The following HAAO variants were observed in gnomAD, a reference collection of about 807,000 sequenced individuals.
HAAO encodes the protein 3-hydroxyanthranilate oxygenase.
Under a neutral mutation model 46.2 loss-of-function variants are expected in HAAO, and 49 were observed. The ratio of observed to expected loss-of-function variants is 1.06; its 90% confidence interval spans 0.84 to 1.34. The LOEUF is 1.34. Ranked by LOEUF, HAAO falls within the 40% of genes most tolerant of loss-of-function variation. The pLI is 0.00. For missense variants in HAAO, 408 were observed against 364.5 expected, an observed-to-expected ratio of 1.12 and a Z score of -0.97; for synonymous variants, 157 against 145.2, an observed-to-expected ratio of 1.08 and a Z score of -0.58.
Position 42,788,568 on chromosome 2 carries a change from G to C in HAAO, c.120C>G (p.Pro40=), listed in dbSNP as rs1401247708. 6.2e-7 allele frequency: 1 copy of C among 1,606,662 alleles called. No individual in the cohort carries two copies. The highest frequency in any genetic ancestry group is 8.5e-7 in the Non-Finnish European group (1 of 1,173,450). The change falls in exon 2 of 10, where the codon CCC becomes CCG. Residue 40 remains proline, a synonymous_variant. Transcript: ENST00000294973. ...CGATGTGATAGTCCTTCCTGGTGTTGGGGCCTCCGATGAACATGACTTTGA... is the reference window on the plus strand; with the variant it reads ...CGATGTGATAGTCCTTCCTGGTGTTCGGGCCTCCGATGAACATGACTTTGA... The part of the protein sequence containing the change: ...EQLKVMFIGG[P]NTRKDYHIEE...
chr2:42,780,989 A>T (rs1671952235), intron 4 of HAAO, among the ~76,000 whole-genome samples: 1 of 151,914 alleles, frequency 6.6e-6, no homozygotes, highest in East Asian at 1.9e-4. Context: ...AGGCAGGAGA[A>T]TGGTGTGAAC....
chr2:42,778,623 T>C (rs1041812990), intron 4 of HAAO, among the ~76,000 whole-genome samples: 2 of 152,002 alleles, frequency 1.3e-5, no homozygotes, highest in Admixed American at 6.6e-5. Flanking sequence ...TCACTGTGCC[T>C]GACCAAGTCC....
chr2:42,767,879 T>C lies in HAAO; in HGVS notation c.680A>G (p.Asp227Gly). ...ACTTGCCAGCTGCCACAGCCACACG[T>C]CCACATTCTGTCTCAGGCCTTCGCT... ...GSSEGLRQNV[D>G]VWLWQLEGSS... is the part of the protein sequence containing the mutation. Residue 227 changes from aspartate (D) to glycine (G), a missense_variant, in exon 8 of 10, where the codon GAC (aspartate) becomes GGC (glycine). Coordinates refer to ENST00000294973, the MANE Select transcript of HAAO (RefSeq NM_012205.3). The C allele has an allele frequency of 6.2e-7, 1 of 1,614,050 alleles. No individual in the cohort carries two copies. Among genetic ancestry groups the C allele is most frequent in the Non-Finnish European group, 8.5e-7 (1 of 1,179,896 alleles).
chr2:42,769,046 T>C (rs985173636), intron 7 of HAAO, among the ~76,000 whole-genome samples: 8 of 152,202 alleles, frequency 5.3e-5, no homozygotes, highest in Non-Finnish European at 7.3e-5. Context: ...TGTCACCTCC[T>C]CCAGGAAGCC....
At chr2:42,770,671 T>G in intron 4 of HAAO, 89 bp from the exon 5 acceptor site, 3 of 756,036 alleles carry the variant, frequency 4.0e-6, no homozygotes. Context: ...CTTGTAGAAG[T>G]CCCTGCAGAG....
intron 2 of HAAO, among the ~76,000 whole-genome samples, chr2:42,786,187 A>G (rs1301043285): frequency 1.3e-5 from 2 of 152,096 alleles, no homozygotes; most frequent in Non-Finnish European, 2.9e-5. Flanking sequence ...TGGGCAGGCT[A>G]TACGATATTG....
chr2:42,788,544 G>C lies in HAAO; in HGVS notation c.144C>G (p.Ile48Met), dbSNP rs140941826. Residue 48 changes from isoleucine to methionine, a missense_variant, in exon 2 of 10, where the codon ATC becomes ATG. Coordinates refer to ENST00000294973, the MANE Select transcript of HAAO (RefSeq NM_012205.3). ...TCAAACCTACCTCTTCACCCTCTTC[G>C]ATGTGATAGTCCTTCCTGGTGTTGG... ...GGPNTRKDYH[I>M]EEGEEVFYQL... The C allele has an allele frequency of 1.9e-6, 3 of 1,604,624 alleles. No individual in the cohort carries two copies. The highest frequency in any genetic ancestry group is 2.6e-6 in the Non-Finnish European group (3 of 1,171,462).
chr2:42,782,535 C>T (rs924655685), intron 4 of HAAO, among the ~76,000 whole-genome samples: 1 of 152,162 alleles, frequency 6.6e-6, no homozygotes. Flanking sequence ...AATGCTTTCT[C>T]CAAAAGATTT....
intron 4 of HAAO, among the ~76,000 whole-genome samples, chr2:42,777,679 G>A (rs1026320297): frequency 5.9e-5 from 9 of 152,118 alleles, no homozygotes; most frequent in African/African-American, 1.9e-4. Context: ...AAATAATTAT[G>A]TAAATGCAAT....
At chr2:42,791,615 C>T (rs1672807231) in intron 1 of HAAO, among the ~76,000 whole-genome samples, 1 of 152,172 alleles carries the variant, frequency 6.6e-6, no homozygotes, top group Non-Finnish European at 1.5e-5. Context: ...AATCCCCCCT[C>T]ACGGTGCTAC....
rs1388318199 is a variant in HAAO at position 42,769,739 on chromosome 2, G to T, written c.604C>A (p.Leu202Met). The T allele has an allele frequency of 1.9e-6, 3 of 1,613,372 alleles. No homozygotes were observed. ...RELQAGTPLS[L>M]FGDTYETQVI... ...TGGGTCTCATAGGTGTCCCCAAACA[G>T]GCTGAGTGGTGTGCCTGCCTGCAGC... Residue 202 changes from leucine to methionine, a missense_variant, in exon 7 of 10, where the codon CTG becomes ATG. Physicochemically the swap from Leu to Met is conservative, Grantham distance 15 (BLOSUM62 2). Transcript: ENST00000294973.
At chr2:42,789,807 T>C (rs1672654822) in intron 1 of HAAO, among the ~76,000 whole-genome samples, 1 of 152,122 alleles carries the variant, frequency 6.6e-6, no homozygotes, top group African/African-American at 2.4e-5. Context: ...ATGCAAAAAA[T>C]ACCTCAGCAC....
chr2:42,780,213 T>TTTAA (rs1294019503), intron 4 of HAAO, among the ~76,000 whole-genome samples: 1 of 147,038 alleles, frequency 6.8e-6, no homozygotes. Context: ...TTTTTTTAAT[T>TTTAA]TTTTTTTTTT....
intron 1 of HAAO, among the ~76,000 whole-genome samples, chr2:42,790,998 G>A (rs1346704656): frequency 6.6e-6 from 1 of 152,130 alleles, no homozygotes; most frequent in Admixed American, 6.5e-5. Context: ...CACCTTGCTT[G>A]CTTCAGCAGC....
intron 4 of HAAO, among the ~76,000 whole-genome samples, chr2:42,778,109 C>T (rs1671726413): frequency 6.9e-6 from 1 of 145,410 alleles, no homozygotes; most frequent in Non-Finnish European, 1.5e-5. Flanking sequence ...GTGTAAGTCA[C>T]AATAAGAGGA....
Position 42,767,868 on chromosome 2 carries a change from A to G in HAAO, c.691T>C (p.Trp231Arg). 5 of 1,613,964 alleles carry G rather than the reference A, an allele frequency of 3.1e-6. No individual in the cohort carries two copies. Among genetic ancestry groups the G allele is most frequent in the Non-Finnish European group, 4.2e-6 (5 of 1,179,826 alleles). Reference sequence around the variant, plus strand: ...CCCTGGGCCCCACTTGCCAGCTGCCACAGCCACACGTCCACATTCTGTCTC... The same window carrying G: ...CCCTGGGCCCCACTTGCCAGCTGCCGCAGCCACACGTCCACATTCTGTCTC... ...GLRQNVDVWL[W>R]QLEGSSVVTM... The change falls in exon 8 of 10, where the codon TGG (tryptophan) becomes CGG (arginine). Residue 231 changes from tryptophan (W) to arginine (R), a missense_variant. Transcript: ENST00000294973.
At chr2:42,781,909 C>A (rs1335597384) in intron 4 of HAAO, among the ~76,000 whole-genome samples, 1 of 151,896 alleles carries the variant, frequency 6.6e-6, no homozygotes, top group Admixed American at 6.6e-5. Flanking sequence ...GCACTGTATA[C>A]AAATAATTAG....
At chr2:42,774,069 C>T (rs952935233) in intron 4 of HAAO, among the ~76,000 whole-genome samples, 2 of 152,178 alleles carry the variant, frequency 1.3e-5, no homozygotes, top group African/African-American at 4.8e-5. Context: ...TTTGAGTTGT[C>T]CTGCCTTTCC....
At chr2:42,777,245 G>A (rs907325290) in intron 4 of HAAO, among the ~76,000 whole-genome samples, 6 of 140,558 alleles carry the variant, frequency 4.3e-5, no homozygotes, top group Non-Finnish European at 7.6e-5. Context: ...AGAAGTCGCA[G>A]TGAGCCAAGA....
Sources: gnomAD v4.1 joint callset for allele counts (sites outside exome capture counted in the v4.1 genomes callset) on GRCh38, gnomAD v4.1.1 for gene constraint, MANE v1.5 for transcripts, NCBI Gene and HGNC (gene_info 2026-07-23, HGNC 2026-07-21) for gene names.